The following TGFB2 variants were observed in gnomAD, a reference collection of about 807,000 sequenced individuals.
TGFB2 encodes transforming growth factor beta 2, also known as transforming growth factor beta-2 proprotein.
TGFB2 carries 13 observed loss-of-function variants against 42.7 expected under a neutral mutation model. That is an observed-to-expected ratio of 0.30 (90% CI 0.20 to 0.48). The LOEUF is 0.48. TGFB2 is among the 20% of genes least tolerant of loss of function. The probability of loss-of-function intolerance (pLI) is 0.99; values close to 1 mark genes in which losing one functional copy is unlikely to be tolerated. For missense variants in TGFB2, 390 were observed against 517.5 expected (o/e 0.75, Z 2.39); for synonymous variants, 193 against 193.6 (o/e 1.00, Z 0.03).
At chr1:218,385,749 G>A (rs1363500834) in intron 1 of TGFB2, among the ~76,000 whole-genome samples, 1 of 152,172 alleles carries the variant, frequency 6.6e-6, no homozygotes, top group African/African-American at 2.4e-5. Context: ...AGTGCTGTCT[G>A]GCTCCTTTCC....
At chr1:218,418,037 C>T (rs1437717690) in intron 2 of TGFB2, among the ~76,000 whole-genome samples, 1 of 152,192 alleles carries the variant, frequency 6.6e-6, no homozygotes, top group African/African-American at 2.4e-5. Context: ...TTGGAGCCCC[C>T]ACACAGAGTT....
At chr1:218,392,553 C>T (rs996181949) in intron 1 of TGFB2, among the ~76,000 whole-genome samples, 5 of 152,164 alleles carry the variant, frequency 3.3e-5, no homozygotes, top group Admixed American at 2.0e-4. Context: ...GGCCACCTGT[C>T]TGGGTTCTAA....
chr1:218,346,967 G>T lies in TGFB2; in HGVS notation c.266G>T (p.Cys89Phe), dbSNP rs775606572. Residue 89 changes from cysteine (C) to phenylalanine (F), a missense_variant, in exon 1 of 7, where the codon TGC (cysteine) becomes TTC (phenylalanine). Cys to Phe is a radical substitution (Grantham distance 205, BLOSUM62 -2). Transcript: ENST00000366930. This position sits in a 1 kb window ranked among gnomAD's most constrained non-coding sequence, Gnocchi z 4.9. ...QEKASRRAAA[C>F]ERERSDEEYY... ...AAGGCGAGCCGGAGGGCGGCCGCCT[G>T]CGAGCGCGAGAGGAGCGACGAAGAG... 1 of 1,613,912 alleles carries T rather than the reference G, an allele frequency of 6.2e-7. No homozygotes were observed. The highest frequency in any genetic ancestry group is 2.2e-5 in the East Asian group (1 of 44,862).
At position 218,412,886 on chromosome 1, in the gene TGFB2, G is replaced by A. The variant is rs145374840; in HGVS notation, c.510+7554G>A. Reference sequence around the variant, plus strand: ...GTCATACAAAAATAACTCCCTGGGGGAAGCAGAGTGATGTATTAGGTTCAT... The same window carrying A: ...GTCATACAAAAATAACTCCCTGGGGAAAGCAGAGTGATGTATTAGGTTCAT... On this transcript the variant is annotated intron_variant, in intron 2 of 6. Coordinates refer to ENST00000366930, the MANE Select transcript of TGFB2 (RefSeq NM_003238.6). Among the ~76,000 whole-genome samples the A allele has an allele frequency of 4.6e-3, 696 of 152,290 alleles. 12 individuals carry two copies. The highest frequency in any genetic ancestry group is 0.016 in the African/African-American group (668 of 41,562).
At chr1:218,410,734 T>G (rs531023196) in intron 2 of TGFB2, among the ~76,000 whole-genome samples, 1 of 152,338 alleles carries the variant, frequency 6.6e-6, no homozygotes, top group East Asian at 1.9e-4. Flanking sequence ...AAAACTCCAG[T>G]GCTCTAGGAA....
chr1:218,363,238 C>T, intron 1 of TGFB2: 1 of 1,043,866 alleles, frequency 9.6e-7, no homozygotes. Context: ...TAAGAACATT[C>T]AATGAGTCCC....
chr1:218,361,374 G>T (rs1454593974), intron 1 of TGFB2, among the ~76,000 whole-genome samples: 2 of 152,170 alleles, frequency 1.3e-5, no homozygotes, highest in Non-Finnish European at 2.9e-5. Context: ...AACCAAAGGT[G>T]CATACTTGAG....
intron 5 of TGFB2, among the ~76,000 whole-genome samples, chr1:218,436,658 A>G (rs939115458): frequency 6.6e-5 from 10 of 152,186 alleles, no homozygotes; most frequent in African/African-American, 2.2e-4. Context: ...ACATGAGTGC[A>G]TGGAGGGAGA....
At chr1:218,355,898 A>G (rs1657016880) in intron 1 of TGFB2, among the ~76,000 whole-genome samples, 1 of 152,258 alleles carries the variant, frequency 6.6e-6, no homozygotes, top group Non-Finnish European at 1.5e-5. Flanking sequence ...TTTAGAAATA[A>G]TAGAATATGA....
intron 2 of TGFB2, among the ~76,000 whole-genome samples, chr1:218,432,351 G>A (rs2102624454): frequency 1.3e-5 from 2 of 152,268 alleles, no homozygotes; most frequent in East Asian, 3.9e-4. Flanking sequence ...AGCCATTGTT[G>A]CCTCCACATT....
intron 2 of TGFB2, among the ~76,000 whole-genome samples, chr1:218,426,668 T>C (rs1659634634): frequency 6.6e-6 from 1 of 152,206 alleles, no homozygotes; most frequent in Non-Finnish European, 1.5e-5. Flanking sequence ...AGCCCCCTTT[T>C]CTAATTCAAT....
rs1302515123 is a variant in TGFB2, at chr1:218,434,189, T to G, written c.618T>G (p.Ala206=). Residue 206 remains alanine (A), a synonymous_variant, in exon 3 of 7, where the codon GCT becomes GCG. Coordinates refer to ENST00000366930, the MANE Select transcript of TGFB2 (RefSeq NM_003238.6). The stretch of plus-strand genomic sequence containing the variant: ...GGCTCTCCTTCGATGTAACTGATGC[T>G]GTTCATGAATGGCTTCACCATAAAG... ...GEWLSFDVTD[A]VHEWLHHKDR... The G allele has an allele frequency of 6.2e-7, 1 of 1,614,162 alleles. No individual in the cohort carries two copies.
chr1:218,400,792 G>A (rs985117541), intron 1 of TGFB2, among the ~76,000 whole-genome samples: 1 of 152,168 alleles, frequency 6.6e-6, no homozygotes, highest in East Asian at 1.9e-4. Context: ...AATGGCATGG[G>A]TTGTGTGCCT....
chr1:218,348,080 A>AAAAAG (rs553504520), intron 1 of TGFB2, among the ~76,000 whole-genome samples: 74 of 152,056 alleles, frequency 4.9e-4, no homozygotes, highest in African/African-American at 1.8e-3. Context: ...AAAAAGAAAA[A>AAAAAG]AAAGAAAGAA....
At position 218,442,108 on chromosome 1, in the gene TGFB2, G is replaced by T. The variant is rs973167571; in HGVS notation, c.*746G>T. 1 of 151,904 alleles carries T rather than the reference G, an allele frequency of 6.6e-6. No individual in the cohort carries two copies. The highest frequency in any genetic ancestry group is 6.6e-5 in the Admixed American group (1 of 15,250). 9.4% of individuals were successfully genotyped at this position (151,904 alleles called of 1,614,324 possible). On this transcript the variant is annotated 3_prime_UTR_variant, in exon 7 of 7. Coordinates refer to ENST00000366930, the MANE Select transcript of TGFB2 (RefSeq NM_003238.6). Reference sequence around the variant, plus strand: ...TCTTGTAAGGTCCAAAAACTAAAAAGACTGTTAATAAAAGAAACTTTCAGT... The same window carrying T: ...TCTTGTAAGGTCCAAAAACTAAAAATACTGTTAATAAAAGAAACTTTCAGT...
chr1:218,441,457 G>T lies in TGFB2; in HGVS notation c.*95G>T, dbSNP rs1660150022. ...ATGCTTGTAACAAGAAAACATAAGA[G>T]AGCCTTGGTTCATCAGTGTTAAAAA... On this transcript the variant is annotated 3_prime_UTR_variant, in exon 7 of 7. Coordinates refer to ENST00000366930, the MANE Select transcript of TGFB2 (RefSeq NM_003238.6). 2 of 1,374,808 alleles carry T rather than the reference G, an allele frequency of 1.5e-6. No homozygotes were observed. The highest frequency in any genetic ancestry group is 1.5e-5 in the South Asian group (1 of 66,676). The allele number at this position is 1,374,808 out of a possible 1,614,324, so 85.2% of individuals were successfully genotyped here.
At chr1:218,366,612 C>T (rs1225143572) in intron 1 of TGFB2, among the ~76,000 whole-genome samples, 2 of 152,184 alleles carry the variant, frequency 1.3e-5, no homozygotes, top group Admixed American at 6.5e-5. Flanking sequence ...GCGCCTGACC[C>T]GAGGTGGTGT....
At chr1:218,395,275 G>C (rs933252607) in intron 1 of TGFB2, among the ~76,000 whole-genome samples, 2 of 152,180 alleles carry the variant, frequency 1.3e-5, no homozygotes, top group Admixed American at 1.3e-4. Flanking sequence ...TGAGCCCCCA[G>C]GTCTCCACAT....
rs530357226 is a variant in TGFB2, at chr1:218,411,250, A to C, written c.510+5918A>C. Among the ~76,000 whole-genome samples, 3 of 152,290 alleles carry C rather than the reference A, an allele frequency of 2.0e-5. No individual in the cohort carries two copies. In the South Asian group the frequency reaches 6.2e-4, roughly 32 times the overall value. ...GCTTCAAAATGTTGTGGCCTCAAAT[A>C]ATAATCATTTTGTTATACTTCACAA... On this transcript the variant is annotated intron_variant, in intron 2 of 6. Transcript: ENST00000366930.
Sources: allele counts gnomAD v4.1 joint callset (sites outside exome capture counted in the v4.1 genomes callset), GRCh38; gene constraint gnomAD v4.1.1; non-coding constraint Gnocchi (gnomAD v3.1); transcripts MANE v1.5; gene names NCBI Gene and HGNC (gene_info 2026-07-23, HGNC 2026-07-21).